Variants in CSMD3 observed in about 807,000 individuals in gnomAD.
The protein encoded by CSMD3 is CUB and sushi domain-containing protein 3.
Under a neutral mutation model 435.2 loss-of-function variants are expected in CSMD3, and 177 were observed. The observed-to-expected ratio is 0.41, with a 90% CI of 0.36 to 0.46. The LOEUF is 0.46. CSMD3 is among the 20% of genes least tolerant of loss of function. CSMD3 has a pLI of 0.34. For synonymous variants in CSMD3, 1,656 were observed against 1,520.5 expected (o/e 1.09, Z -2.07); for missense variants, 4,265 against 4,504.6 (o/e 0.95, Z 1.52).
intron 6 of CSMD3, among the ~76,000 whole-genome samples, chr8:112,986,108 G>C (rs2085245441): frequency 6.6e-6 from 1 of 152,142 alleles, no homozygotes; most frequent in Admixed American, 6.6e-5. Context: ...TTTTGCAATA[G>C]AGTTGCTAGA....
At chr8:112,562,766 C>T (rs1442771813) in intron 24 of CSMD3, among the ~76,000 whole-genome samples, 1 of 151,474 alleles carries the variant, frequency 6.6e-6, no homozygotes, top group Non-Finnish European at 1.5e-5. Context: ...TGCAAGAAAA[C>T]ATCCTATTTT....
chr8:113,120,253 A>G (rs2090949697), intron 4 of CSMD3, among the ~76,000 whole-genome samples: 1 of 152,094 alleles, frequency 6.6e-6, no homozygotes, highest in African/African-American at 2.4e-5. Context: ...TGATTGTACT[A>G]TAGTTGACAA....
At chr8:112,972,303 G>A (rs566250210) in intron 7 of CSMD3, among the ~76,000 whole-genome samples, 4 of 151,692 alleles carry the variant, frequency 2.6e-5, no homozygotes, top group East Asian at 3.9e-4. Context: ...TGCAGACATC[G>A]AACGGACCTA....
intron 61 of CSMD3, among the ~76,000 whole-genome samples, chr8:112,257,457 A>T (rs1815916821): frequency 6.6e-6 from 1 of 152,188 alleles, no homozygotes; most frequent in South Asian, 2.1e-4. Context: ...ATCAATGTGT[A>T]AGAATCACAA....
chr8:113,427,500 A>G (rs1563811194), intron 1 of CSMD3, among the ~76,000 whole-genome samples: 1 of 144,014 alleles, frequency 6.9e-6, no homozygotes, highest in Non-Finnish European at 1.5e-5. Flanking sequence ...AAAAAAAAAA[A>G]GAGGCTCATA....
At chr8:113,302,224 T>C (rs2093774701) in intron 2 of CSMD3, among the ~76,000 whole-genome samples, 2 of 72,544 alleles carry the variant, frequency 2.8e-5, no homozygotes, top group African/African-American at 7.8e-5. Flanking sequence ...GTATATATAA[T>C]ATAATATAAT....
chr8:112,592,860 G>C (rs144259978), intron 22 of CSMD3, among the ~76,000 whole-genome samples: 22 of 152,206 alleles, frequency 1.4e-4, no homozygotes, highest in East Asian at 7.7e-4. Context: ...CTCCAAAAAA[G>C]AGGCAGACAT....
intron 9 of CSMD3, among the ~76,000 whole-genome samples, chr8:112,932,344 A>G (rs2083136384): frequency 6.6e-6 from 1 of 152,260 alleles, no homozygotes; most frequent in East Asian, 1.9e-4. Flanking sequence ...GCGCAGAAAG[A>G]CAAAATATCA....
At chr8:112,363,249 G>A (rs746856303) in intron 38 of CSMD3, among the ~76,000 whole-genome samples, 8 of 152,046 alleles carry the variant, frequency 5.3e-5, no homozygotes, top group Non-Finnish European at 1.2e-4. Context: ...TTAGAGTAGT[G>A]CCAGGAATAT....
intron 4 of CSMD3, among the ~76,000 whole-genome samples, chr8:113,112,844 G>A (rs945629084): frequency 5.3e-5 from 8 of 152,044 alleles, no homozygotes; most frequent in Non-Finnish European, 8.8e-5. Flanking sequence ...ACAGTCCTCT[G>A]ACCACCTCAA....
rs1588634070 is a variant in CSMD3, at chr8:113,381,077, A to G, written c.178+55600T>C. Among the ~76,000 whole-genome samples, 4 of 152,318 alleles carry G rather than the reference A, an allele frequency of 2.6e-5. No individual in the cohort carries two copies. The Middle Eastern group carries it at 0.01, about 389-fold the overall frequency. Reference sequence around the variant, plus strand: ...GCTCGCACAATGTTTCTTGACTTCAAAAATAGATGTTTCTCTTCAATAAAG... The same window carrying G: ...GCTCGCACAATGTTTCTTGACTTCAGAAATAGATGTTTCTCTTCAATAAAG... On this transcript the variant is annotated intron_variant, in intron 1 of 70. Coordinates refer to ENST00000297405, the MANE Select transcript of CSMD3 (RefSeq NM_198123.2).
In CSMD3 at chr8:113,022,836, GAAAT is replaced by G. The variant is rs1478151660; in HGVS notation, c.918-3661_918-3658del. Among the ~76,000 whole-genome samples the G allele has an allele frequency of 3.3e-5, 5 of 151,950 alleles. No homozygotes were observed. The East Asian group carries it at 7.7e-4, about 24-fold the overall frequency. On this transcript the variant is annotated intron_variant, in intron 5 of 70. Transcript: ENST00000297405. ...TTTCATTGCATGTTTAATGAGGAAAGAAATACTGACAATAATACAGAGTAACTTA... is the reference window on the plus strand; with the variant it reads ...TTTCATTGCATGTTTAATGAGGAAAGACTGACAATAATACAGAGTAACTTA...
At chr8:112,621,674 T>C (rs1319674273) in intron 22 of CSMD3, among the ~76,000 whole-genome samples, 1 of 152,140 alleles carries the variant, frequency 6.6e-6, no homozygotes, top group Non-Finnish European at 1.5e-5. Flanking sequence ...TTTTTACTTG[T>C]TTTTCTCATA....
At chr8:112,241,841 TGCGC>T (rs760931324) in intron 65 of CSMD3, 56 bp from the exon 66 acceptor site, 3 of 798,942 alleles carry the variant, frequency 3.8e-6, no homozygotes, top group African/African-American at 2.7e-5. Flanking sequence ...TACATACACA[TGCGC>T]ACACACACAC....
intron 3 of CSMD3, among the ~76,000 whole-genome samples, chr8:113,265,582 C>A (rs1449232047): frequency 4.0e-5 from 6 of 151,432 alleles, no homozygotes. Context: ...GTGATTTATA[C>A]CTTCCTGGAT....
chr8:112,913,653 C>G (rs1036961344), intron 10 of CSMD3, among the ~76,000 whole-genome samples: 1 of 151,650 alleles, frequency 6.6e-6, no homozygotes, highest in Admixed American at 6.6e-5. Flanking sequence ...TCACTCACCC[C>G]TCTCCCTCTG....
At chr8:113,065,815 C>T (rs1307443643) in intron 5 of CSMD3, among the ~76,000 whole-genome samples, 3 of 152,118 alleles carry the variant, frequency 2.0e-5, no homozygotes, top group African/African-American at 4.8e-5. Context: ...TAATTAGGTT[C>T]ACAAAACTTC....
chr8:113,288,823 C>CA (rs1229091279), intron 2 of CSMD3, among the ~76,000 whole-genome samples: 2 of 151,728 alleles, frequency 1.3e-5, no homozygotes, highest in East Asian at 3.9e-4. Context: ...TACTTTATTC[C>CA]AAAAAACTAG....
chr8:112,383,797 T>A, intron 36 of CSMD3, 134 bp from the exon 37 acceptor site: 1 of 691,726 alleles, frequency 1.4e-6, no homozygotes, highest in Non-Finnish European at 2.6e-6. Flanking sequence ...GAAGGGTTTT[T>A]AACAGAACTG....
Sources: gnomAD v4.1 joint callset for allele counts (sites outside exome capture counted in the v4.1 genomes callset) on GRCh38, gnomAD v4.1.1 for gene constraint, MANE v1.5 for transcripts, NCBI Gene and HGNC (gene_info 2026-07-23, HGNC 2026-07-21) for gene names.